Variants in XKR6 observed in about 807,000 individuals in gnomAD.
XKR6 encodes the protein XK related 6, also known as XK-related protein 6.
XKR6 carries 22 observed loss-of-function variants against 56.7 expected under a neutral mutation model. That is an observed-to-expected ratio of 0.39 (90% confidence interval 0.28 to 0.55). The LOEUF (loss-of-function observed/expected upper bound fraction) is 0.55, where lower values mean the gene tolerates loss of function less well. Ranked by LOEUF, XKR6 falls within the 20% of genes least tolerant of loss-of-function variation. The probability of loss-of-function intolerance (pLI) is 0.66; values close to 1 mark genes in which losing one functional copy is unlikely to be tolerated. For synonymous variants in XKR6, 524 were observed against 387.8 expected, an observed-to-expected ratio of 1.35 and a Z score of -4.13; for missense variants, 852 against 889.0, an observed-to-expected ratio of 0.96 and a Z score of 0.53.
chr8:10,987,926 G>A (rs890664956), intron 1 of XKR6, among the ~76,000 whole-genome samples: 1 of 152,156 alleles, frequency 6.6e-6, no homozygotes, highest in Non-Finnish European at 1.5e-5. Flanking sequence ...CCTCTCTCAG[G>A]TCTTTACTCA....
chr8:11,141,620 C>G (rs1800702239), intron 1 of XKR6, among the ~76,000 whole-genome samples: 1 of 152,208 alleles, frequency 6.6e-6, no homozygotes, highest in African/African-American at 2.4e-5. Context: ...CTTGGCTCAG[C>G]AACTAGGCTC....
At chr8:11,165,298 C>A (rs1802016906) in intron 1 of XKR6, among the ~76,000 whole-genome samples, 2 of 151,974 alleles carry the variant, frequency 1.3e-5, no homozygotes, top group African/African-American at 4.8e-5. Context: ...TGGGGTTTCA[C>A]CATGTTGGCC....
intron 2 of XKR6, among the ~76,000 whole-genome samples, chr8:10,921,713 CCTAT>C (rs1198748591): frequency 1.3e-5 from 2 of 152,128 alleles, no homozygotes. Context: ...TGCTACCTGC[CCTAT>C]CTGTTTGGGG....
intron 1 of XKR6, chr8:11,109,733 T>G (rs1798815612): frequency 1.3e-5 from 2 of 152,146 alleles, no homozygotes; most frequent in African/African-American, 2.4e-5. Flanking sequence ...AAACTATTCA[T>G]TCCAGTAGGG....
intron 1 of XKR6, among the ~76,000 whole-genome samples, chr8:11,142,743 T>C (rs1205549081): frequency 6.6e-6 from 1 of 152,166 alleles, no homozygotes; most frequent in Non-Finnish European, 1.5e-5. Context: ...ATGAGCCAAT[T>C]AAACCTCTTT....
chr8:10,974,489 C>T (rs929828089), intron 1 of XKR6, among the ~76,000 whole-genome samples: 10 of 152,194 alleles, frequency 6.6e-5, no homozygotes, highest in African/African-American at 2.4e-4. Flanking sequence ...AAGCCTGGGC[C>T]ACGGACCCTG....
chr8:10,902,485 CTCCCACTCTCCA>C (rs2129107317), intron 2 of XKR6, among the ~76,000 whole-genome samples: 1 of 152,284 alleles, frequency 6.6e-6, no homozygotes, highest in East Asian at 1.9e-4. Flanking sequence ...TGTCGCGCTG[CTCCCACTCTCCA>C]TCCTTTCTCC....
At chr8:10,964,722 C>A (rs1044437278) in intron 1 of XKR6, among the ~76,000 whole-genome samples, 1 of 152,218 alleles carries the variant, frequency 6.6e-6, no homozygotes, top group African/African-American at 2.4e-5. Flanking sequence ...GTCACCTGGT[C>A]AGGGCAGGGG....
chr8:11,058,134 C>T (rs1323122450), intron 1 of XKR6, among the ~76,000 whole-genome samples: 9 of 152,188 alleles, frequency 5.9e-5, no homozygotes, highest in Admixed American at 3.3e-4. Flanking sequence ...CAGCACCCAG[C>T]GTGACCCATG....
intron 1 of XKR6, among the ~76,000 whole-genome samples, chr8:11,092,973 C>A (rs992543739): frequency 2.8e-4 from 42 of 152,208 alleles, no homozygotes; most frequent in African/African-American, 9.6e-4. Flanking sequence ...CTTGACTACC[C>A]ACAGTCGCCA....
intron 1 of XKR6, among the ~76,000 whole-genome samples, chr8:10,940,594 C>T (rs1169077393): frequency 6.6e-6 from 1 of 152,186 alleles, no homozygotes; most frequent in Non-Finnish European, 1.5e-5. Context: ...GACGGCTGGT[C>T]CGGGAGCAGA....
intron 1 of XKR6, chr8:11,124,281 A>T (rs1799641200): frequency 2.9e-6 from 1 of 342,738 alleles, no homozygotes; most frequent in Admixed American, 3.9e-5. Context: ...AACACAAACC[A>T]GGATGTGGCT....
At chr8:11,136,915 G>A (rs1382758867) in intron 1 of XKR6, 1 of 152,046 alleles carries the variant, frequency 6.6e-6, no homozygotes, top group African/African-American at 2.4e-5. Context: ...TTCAATATTT[G>A]CATATTCTCT....
At chr8:10,992,865 A>G (rs1798024423) in intron 1 of XKR6, among the ~76,000 whole-genome samples, 1 of 152,242 alleles carries the variant, frequency 6.6e-6, no homozygotes. Flanking sequence ...GGATGTCTCC[A>G]TGATCTCACG....
At chr8:11,091,283 T>A (rs935326793) in intron 1 of XKR6, among the ~76,000 whole-genome samples, 1 of 151,920 alleles carries the variant, frequency 6.6e-6, no homozygotes, top group Admixed American at 6.6e-5. Flanking sequence ...ACAAATTATT[T>A]ATAAATTAGC....
chr8:11,106,918 G>T (rs939234479), intron 1 of XKR6, among the ~76,000 whole-genome samples: 2 of 146,408 alleles, frequency 1.4e-5, no homozygotes, highest in Admixed American at 6.8e-5. Flanking sequence ...AGACAACCCA[G>T]ATCCTTCAGC....
chr8:11,024,141 C>G (rs1460740826), intron 1 of XKR6, among the ~76,000 whole-genome samples: 1 of 151,720 alleles, frequency 6.6e-6, no homozygotes, highest in East Asian at 1.9e-4. Flanking sequence ...CCCTCGCCCT[C>G]AAGTTTAAAT....
At position 10,898,516 on chromosome 8, in the gene XKR6, A is replaced by G; in HGVS notation, c.1362T>C (p.Ala454=). Reference sequence around the variant, plus strand: ...AAAAATACCAAAGGAACGTCAAGGCAGCATTCTCGGTCAAGACTATCGTAT... The same window carrying G: ...AAAAATACCAAAGGAACGTCAAGGCGGCATTCTCGGTCAAGACTATCGTAT... The part of the protein sequence containing the change: ...AYYTIVLTEN[A]ALTFLWYFYR... The change falls in exon 3 of 3, where the codon GCT becomes GCC. Residue 454 remains alanine, a synonymous_variant. Coordinates refer to ENST00000416569, the MANE Select transcript of XKR6 (RefSeq NM_173683.4). This position sits in a 1 kb window ranked among gnomAD's most constrained non-coding sequence, Gnocchi z 6.6. 6.2e-7 allele frequency: 1 copy of G among 1,614,130 alleles called. No individual in the cohort carries two copies. The highest frequency in any genetic ancestry group is 8.5e-7 in the Non-Finnish European group (1 of 1,180,026).
intron 1 of XKR6, among the ~76,000 whole-genome samples, chr8:11,087,358 A>C (rs1407468360): frequency 6.6e-6 from 1 of 152,148 alleles, no homozygotes; most frequent in Non-Finnish European, 1.5e-5. Flanking sequence ...CCCCTCGGGG[A>C]AGGGCACTGA....
Sources: allele counts gnomAD v4.1 joint callset (sites outside exome capture counted in the v4.1 genomes callset), GRCh38; gene constraint gnomAD v4.1.1; non-coding constraint Gnocchi (gnomAD v3.1); transcripts MANE v1.5; gene names NCBI Gene and HGNC (gene_info 2026-07-23, HGNC 2026-07-21).